The following EDA variants were observed in gnomAD, a reference collection of about 807,000 sequenced individuals.
EDA encodes ectodysplasin A.
In EDA, 2 loss-of-function variants were observed where a neutral mutation model predicts 23.6. That is an observed-to-expected ratio of 0.08 (90% CI 0.03 to 0.27). The LOEUF (loss-of-function observed/expected upper bound fraction) is 0.27, where lower values mean the gene tolerates loss of function less well. Ranked by LOEUF, EDA falls within the 10% of genes least tolerant of loss-of-function variation. The probability of loss-of-function intolerance (pLI) is 1.00; values close to 1 mark genes in which losing one functional copy is unlikely to be tolerated. For synonymous variants in EDA, 131 were observed against 132.0 expected (o/e 0.99, Z 0.05); for missense variants, 229 against 324.2 (o/e 0.71, Z 2.26).
At chrX:69,879,089 G>C (rs6624445) in intron 1 of EDA, among the ~76,000 whole-genome samples, 32 of 98,607 alleles carry the variant, frequency 3.2e-4, no homozygotes, top group South Asian at 3.2e-3. Context: ...CCCCCTCCCC[G>C]CCCCCAACCG....
chrX:69,884,745 C>G (rs779712421), intron 1 of EDA, among the ~76,000 whole-genome samples: 2 of 112,070 alleles, frequency 1.8e-5, no homozygotes, highest in Non-Finnish European at 3.8e-5. Flanking sequence ...TTGTTTCCCC[C>G]TTTTGGCTAT....
chrX:69,773,453 G>A (rs2014693800), intron 1 of EDA, among the ~76,000 whole-genome samples: 1 of 111,651 alleles, frequency 9.0e-6, no homozygotes. Flanking sequence ...GGATCATATG[G>A]GAATTCTGTG....
Position 69,739,863 on chromosome X carries a change from A to G in EDA, c.396+123159A>G, listed in dbSNP as rs947908101. Among the ~76,000 whole-genome samples, 3 of 111,576 alleles carry G rather than the reference A, an allele frequency of 2.7e-5. No homozygotes were observed. The Admixed American group carries it at 2.9e-4, about 11-fold the overall frequency. ...CACATGCACATATATATTACAAATC[A>G]AGCAAAAACATTGTTATATGTATTG... is the stretch of plus-strand genomic sequence containing the variant. On this transcript the variant is annotated intron_variant, in intron 1 of 7. Transcript: ENST00000374552.
intron 1 of EDA, among the ~76,000 whole-genome samples, chrX:69,790,933 T>C (rs1238320305): frequency 9.0e-6 from 1 of 111,706 alleles, no homozygotes; most frequent in Non-Finnish European, 1.9e-5. Flanking sequence ...GAAGTAGTTA[T>C]GATAAGTGAA....
At chrX:69,750,657 T>C (rs934110065) in intron 1 of EDA, among the ~76,000 whole-genome samples, 5 of 111,370 alleles carry the variant, frequency 4.5e-5, no homozygotes, top group African/African-American at 1.6e-4. Flanking sequence ...AGAGTGTTCC[T>C]ATTTCTCCAC....
chrX:69,785,065 G>C (rs1359943425), intron 1 of EDA, among the ~76,000 whole-genome samples: 2 of 107,050 alleles, frequency 1.9e-5, no homozygotes, highest in Non-Finnish European at 3.9e-5. Flanking sequence ...TTGTGAATGG[G>C]AGTTCACTCC....
chrX:69,712,921 A>G (rs1275631925), intron 1 of EDA, among the ~76,000 whole-genome samples: 1 of 110,755 alleles, frequency 9.0e-6, no homozygotes, highest in Non-Finnish European at 1.9e-5. Context: ...AGGGACATGG[A>G]TGAAGCTGGA....
At chrX:69,715,439 G>T (rs751901033) in intron 1 of EDA, among the ~76,000 whole-genome samples, 4 of 111,587 alleles carry the variant, frequency 3.6e-5, no homozygotes, top group Admixed American at 9.5e-5. Context: ...TTTAATGGTT[G>T]CATAATATTC....
chrX:69,900,853 G>A (rs1018590099), intron 1 of EDA, among the ~76,000 whole-genome samples: 11 of 111,278 alleles, frequency 9.9e-5, no homozygotes, highest in Non-Finnish European at 1.9e-4. Flanking sequence ...TTTAGCAAGA[G>A]TAAGAAATGA....
At chrX:69,945,210 G>T (rs2018817323) in intron 1 of EDA, among the ~76,000 whole-genome samples, 2 of 111,921 alleles carry the variant, frequency 1.8e-5, no homozygotes, top group South Asian at 7.4e-4. Flanking sequence ...TGATGTTCCT[G>T]CAAGGGGAGG....
At chrX:69,849,082 TACACACACACACACACACACACACACAC>T (rs370800783) in intron 1 of EDA, among the ~76,000 whole-genome samples, 10 of 57,015 alleles carry the variant, frequency 1.8e-4, no homozygotes, top group Admixed American at 3.4e-4. Context: ...AAAGTCTATA[TACACACACACACACACACACACACACAC>T]ACACACACAC....
intron 1 of EDA, among the ~76,000 whole-genome samples, chrX:69,902,606 T>A (rs763629488): frequency 1.8e-5 from 2 of 112,167 alleles, no homozygotes; most frequent in Non-Finnish European, 3.8e-5. Context: ...ATTAAAAAAA[T>A]TCTGTTTGAT....
chrX:70,019,037 T>C, intron 2 of EDA, among the ~76,000 whole-genome samples: 1 of 111,376 alleles, frequency 9.0e-6, no homozygotes, highest in East Asian at 2.8e-4. Context: ...GCAAAGGACA[T>C]AAACAGACAC....
Position 69,716,758 on chromosome X carries a change from T to C in EDA, c.396+100054T>C, listed in dbSNP as rs768482657. On this transcript the variant is annotated intron_variant, in intron 1 of 7. Coordinates refer to ENST00000374552, the MANE Select transcript of EDA (RefSeq NM_001399.5). ...TTTCCTGATGTCTTTGAGCAGTGTTTTGTAATTCTCATTGATCTTTCACCT... is the reference window on the plus strand; with the variant it reads ...TTTCCTGATGTCTTTGAGCAGTGTTCTGTAATTCTCATTGATCTTTCACCT... Among the ~76,000 whole-genome samples, 26 of 111,540 alleles carry C rather than the reference T, an allele frequency of 2.3e-4. No homozygotes were observed. The South Asian group carries it at 9.8e-3, about 42-fold the overall frequency.
At chrX:69,824,073 C>A (rs1246766168) in intron 1 of EDA, among the ~76,000 whole-genome samples, 4 of 97,766 alleles carry the variant, frequency 4.1e-5, no homozygotes, top group African/African-American at 1.5e-4. Flanking sequence ...GTTTTGGTAC[C>A]AGTACCATGC....
In EDA at chrX:69,617,638, A is replaced by C. The variant is rs1932027507; in HGVS notation, c.396+934A>C. 3 of 286,604 alleles carry C rather than the reference A, an allele frequency of 1.0e-5. No homozygotes were observed. The East Asian group carries it at 3.0e-4, about 29-fold the overall frequency. The allele number at this position is 286,604 out of a possible 1,213,427, so 23.6% of individuals were successfully genotyped here. The stretch of plus-strand genomic sequence containing the variant: ...AGTAAATTTCGTTCACTTAACGTAA[A>C]TACTGTCTTGGTTGCCATATGTGAA... On this transcript the variant is annotated intron_variant, in intron 1 of 7. Transcript: ENST00000374552.
chrX:69,825,832 A>G (rs1408620812), intron 1 of EDA, among the ~76,000 whole-genome samples: 1 of 110,856 alleles, frequency 9.0e-6, no homozygotes, highest in Non-Finnish European at 1.9e-5. Flanking sequence ...TCTTGTGGGC[A>G]TTTAGTGCTA....
At chrX:69,768,939 C>T (rs1207563072) in intron 1 of EDA, among the ~76,000 whole-genome samples, 1 of 111,670 alleles carries the variant, frequency 9.0e-6, no homozygotes, top group Non-Finnish European at 1.9e-5. Flanking sequence ...CCTCTTTGAC[C>T]TATGGATTAG....
chrX:69,789,830 C>T (rs1232164682), intron 1 of EDA, among the ~76,000 whole-genome samples: 1 of 112,224 alleles, frequency 8.9e-6, no homozygotes, highest in Non-Finnish European at 1.9e-5. Context: ...TATAGCTTAA[C>T]ATTCCAAGTG....
Sources: allele counts gnomAD v4.1 joint callset (sites outside exome capture counted in the v4.1 genomes callset), GRCh38; gene constraint gnomAD v4.1.1; transcripts MANE v1.5; gene names NCBI Gene and HGNC (gene_info 2026-07-23, HGNC 2026-07-21).